The following NEAT1 variants were observed in gnomAD, a reference collection of about 807,000 sequenced individuals.
The protein encoded by NEAT1 is MENepsilon/beta.
chr11:65,426,441 G>C (rs2134889978), exon 1 of NEAT1: 1 of 152,280 alleles, frequency 6.6e-6, no homozygotes, highest in South Asian at 2.1e-4. Flanking sequence ...TGTATGGTAA[G>C]AACTAATTCT....
At chr11:65,438,074 TC>T (rs1384179968) in exon 1 of NEAT1, 1 of 152,174 alleles carries the variant, frequency 6.6e-6, no homozygotes, top group Non-Finnish European at 1.5e-5. Flanking sequence ...GGAGTCCTGT[TC>T]TAGTGTCCAG....
At chr11:65,433,305 A>G (rs1856629378) in exon 1 of NEAT1, 1 of 152,174 alleles carries the variant, frequency 6.6e-6, no homozygotes. Context: ...AATAAAATGC[A>G]ATGGAATGTA....
exon 1 of NEAT1, chr11:65,426,996 C>T (rs570251572): frequency 6.6e-6 from 1 of 152,194 alleles, no homozygotes; most frequent in African/African-American, 2.4e-5. Flanking sequence ...TAATTCTTAC[C>T]TCACTAAAGA....
At chr11:65,437,491 A>G (rs1856672417) in exon 1 of NEAT1, 1 of 152,036 alleles carries the variant, frequency 6.6e-6, no homozygotes, top group South Asian at 2.1e-4. Flanking sequence ...TTCACGTGCC[A>G]GTTCCTAATG....
exon 1 of NEAT1, chr11:65,437,871 A>C (rs1856675770): frequency 6.6e-6 from 1 of 152,248 alleles, no homozygotes; most frequent in South Asian, 2.1e-4. Flanking sequence ...TGTCCAGTTC[A>C]GTGGTCTTTG....
exon 1 of NEAT1, chr11:65,434,924 A>G (rs981070346): frequency 6.6e-6 from 1 of 152,222 alleles, no homozygotes; most frequent in Non-Finnish European, 1.5e-5. Context: ...CTGTGTGTGA[A>G]TTTAGCATTC....
chr11:65,428,082 G>T (rs1856579729), exon 1 of NEAT1: 1 of 152,202 alleles, frequency 6.6e-6, no homozygotes, highest in Admixed American at 6.5e-5. Context: ...ATCGACAGGA[G>T]GTGTTGATGG....
At chr11:65,435,996 GGTCTGGGAAGGA>G in exon 1 of NEAT1, 1 of 152,252 alleles carries the variant, frequency 6.6e-6, no homozygotes, top group Non-Finnish European at 1.5e-5. Context: ...GTGGCATCCT[GGTCTGGGAAGGA>G]GTGCTGTCTG....
chr11:65,443,143 C>G (rs1316668244), exon 1 of NEAT1: 4 of 152,268 alleles, frequency 2.6e-5, no homozygotes, highest in Non-Finnish European at 4.4e-5. Context: ...CTGCCATATC[C>G]TGTGTAATGA....
In NEAT1 at chr11:65,423,110, C is replaced by T. The variant is rs111559783; in HGVS notation, n.313C>T. 9.8e-3 allele frequency: 1,492 copies of T among 152,628 alleles called. 26 individuals are homozygous for T. The highest frequency in any genetic ancestry group is 0.034 in the African/African-American group (1,419 of 41,432). 9.5% of individuals were successfully genotyped at this position (152,628 alleles called of 1,614,324 possible). On this transcript the variant is annotated non_coding_transcript_exon_variant, in exon 1 of 1. Transcript: ENST00000501122. Reference sequence around the variant, plus strand: ...GCCGCTCTTGCATAGCTGAGCGAGCCCGGGTGCGCTGGTCTGTGTGGAAGG... The same window carrying T: ...GCCGCTCTTGCATAGCTGAGCGAGCTCGGGTGCGCTGGTCTGTGTGGAAGG...
exon 1 of NEAT1, chr11:65,437,218 TATATATATAC>T (rs1433739307): frequency 5.6e-5 from 8 of 143,204 alleles, no homozygotes; most frequent in African/African-American, 1.9e-4. Flanking sequence ...TATGTATATA[TATATATATAC>T]ATATATATAT....
chr11:65,423,351 G>T (rs1856520544), exon 1 of NEAT1: 1 of 152,426 alleles, frequency 6.6e-6, no homozygotes, highest in African/African-American at 2.4e-5. Flanking sequence ...ACTGAACTTA[G>T]CTCGACGGGG....
exon 1 of NEAT1, chr11:65,426,560 G>C (rs754011657): frequency 1.3e-5 from 2 of 152,004 alleles, no homozygotes; most frequent in Non-Finnish European, 2.9e-5. Context: ...TACATTTCTC[G>C]ACCCCTATCA....
exon 1 of NEAT1, chr11:65,440,415 T>C (rs992342804): frequency 6.6e-6 from 1 of 150,434 alleles, no homozygotes; most frequent in Non-Finnish European, 1.5e-5. Context: ...AAGCTTTGAT[T>C]GCGCCACTGC....
chr11:65,428,367 G>A (rs1477919946), exon 1 of NEAT1: 1 of 152,154 alleles, frequency 6.6e-6, no homozygotes, highest in African/African-American at 2.4e-5. Context: ...GTTACAAAAA[G>A]GAGATTGACT....
exon 1 of NEAT1, chr11:65,445,197 G>C (rs1022838214): frequency 7.9e-5 from 12 of 152,460 alleles, no homozygotes; most frequent in Admixed American, 6.5e-4. Flanking sequence ...GAGGGAGGGA[G>C]AGCTGAAGGG....
At chr11:65,436,060 T>G (rs1157541855) in exon 1 of NEAT1, 1 of 152,238 alleles carries the variant, frequency 6.6e-6, no homozygotes, top group African/African-American at 2.4e-5. Flanking sequence ...CTTCAGGGGC[T>G]AAGCACACAC....
At chr11:65,434,170 C>T (rs1391845236) in exon 1 of NEAT1, 1 of 152,048 alleles carries the variant, frequency 6.6e-6, no homozygotes, top group Non-Finnish European at 1.5e-5. Flanking sequence ...ATCAGTTCTC[C>T]CATCCATGGT....
At chr11:65,444,540 G>T in exon 1 of NEAT1, 1 of 495,422 alleles carries the variant, frequency 2.0e-6, no homozygotes, top group East Asian at 6.2e-5. Flanking sequence ...CTCCATGGCA[G>T]CCAGGACAGG....
Sources: allele counts gnomAD v4.1 joint callset, GRCh38; gene constraint gnomAD v4.1.1; transcripts MANE v1.5; gene names NCBI Gene and HGNC (gene_info 2026-07-23, HGNC 2026-07-21).